APBB2: variants seen among roughly 807,000 people sequenced by gnomAD.
APBB2 encodes the protein Fe65-like 1.
APBB2 carries 38 observed loss-of-function variants against 82.5 expected under a neutral mutation model. The ratio of observed to expected loss-of-function variants is 0.46; its 90% CI spans 0.36 to 0.60. The LOEUF is 0.60. APBB2 is among the 20% of genes least tolerant of loss of function. The probability of loss-of-function intolerance (pLI) is 0.00; values close to 1 mark genes in which losing one functional copy is unlikely to be tolerated. For missense variants in APBB2, 772 were observed against 972.3 expected (o/e 0.79, Z 2.74); for synonymous variants, 341 against 368.2 (o/e 0.93, Z 0.85).
At position 41,147,481 on chromosome 4, in the gene APBB2, CTT is replaced by C. The variant is rs558746840; in HGVS notation, c.-416-4341_-416-4340del. ...TTGAGGATCTTCAATGTTTGGCCAG[CTT>C]TTTTTTTTTTTTTTTTTTTTTTTAA... On this transcript the variant is annotated intron_variant, in intron 1 of 17. Transcript: ENST00000508593. 1.9e-3 allele frequency among the ~76,000 whole-genome samples: 199 copies of C among 103,080 alleles called. 1 individual carries two copies. Among genetic ancestry groups the C allele is most frequent in the African/African-American group, 6.8e-3 (173 of 25,624 alleles). 67.6% of individuals were successfully genotyped at this position (103,080 alleles called of 152,430 possible). A position where few individuals can be genotyped will look rare whatever the true frequency, so the allele number is the denominator to read the frequency against.
chr4:41,105,442 CA>C (rs1437652710), intron 2 of APBB2, among the ~76,000 whole-genome samples: 4 of 152,108 alleles, frequency 2.6e-5, no homozygotes, highest in Admixed American at 2.0e-4. Flanking sequence ...GAGCTCCAGA[CA>C]AATCAGTCAA....
intron 10 of APBB2, among the ~76,000 whole-genome samples, chr4:40,910,381 G>T (rs115851761): frequency 0.012 from 1,871 of 152,148 alleles, 39 homozygotes; most frequent in African/African-American, 0.043. Flanking sequence ...GGGACTACAG[G>T]CTACGCACTA....
rs766666523 is a variant in APBB2, at chr4:40,982,221, G to GAAAGAAAAGAAA, written c.835+31361_835+31362insTTTCTTTTCTTT. On this transcript the variant is annotated intron_variant, in intron 6 of 17. Coordinates refer to ENST00000508593, the MANE Select transcript of APBB2 (RefSeq NM_004307.2). Reference sequence around the variant, plus strand: ...AAAGAAAGAAAAGAAAGAAAAGAAAGGAAAGAAAGAAAGAAAGAAAGAAAG... The same window carrying GAAAGAAAAGAAA: ...AAAGAAAGAAAAGAAAGAAAAGAAAGAAAGAAAAGAAAGAAAGAAAGAAAGAAAGAAAGAAAG... Among the ~76,000 whole-genome samples, 17 of 12,906 alleles carry GAAAGAAAAGAAA rather than the reference G, an allele frequency of 1.3e-3. 3 individuals carry two copies. The highest frequency in any genetic ancestry group is 5.0e-3 in the African/African-American group (15 of 3,028). The allele number at this position is 12,906 out of a possible 152,430, so 8.5% of individuals were successfully genotyped here.
intron 6 of APBB2, among the ~76,000 whole-genome samples, chr4:40,964,141 A>T (rs74939960): frequency 2.0e-5 from 3 of 152,152 alleles, no homozygotes; most frequent in Non-Finnish European, 4.4e-5. Context: ...TAAAAAAAAA[A>T]TAAATTCTGC....
chr4:40,934,520 G>A lies in APBB2; in HGVS notation c.1194-4C>T, dbSNP rs1270819685. On this transcript the variant is annotated splice_polypyrimidine_tract_variant and splice_region_variant and intron_variant, in intron 9 of 17. Coordinates refer to ENST00000508593, the MANE Select transcript of APBB2 (RefSeq NM_004307.2). ...ATCATCAGGGTGTGGGGCATTTCTA[G>A]GCAGAAAAACAGAAAAGTGGACTTA... 6.2e-7 allele frequency: 1 copy of A among 1,614,074 alleles called. No homozygotes were observed. Among genetic ancestry groups the A allele is most frequent in the Admixed American group, 1.7e-5 (1 of 60,014 alleles).
intron 6 of APBB2, among the ~76,000 whole-genome samples, chr4:41,007,807 G>C (rs1244110427): frequency 1.3e-5 from 2 of 152,206 alleles, no homozygotes; most frequent in African/African-American, 4.8e-5. Flanking sequence ...CACATACCGT[G>C]TGAAGAAGTT....
intron 10 of APBB2, among the ~76,000 whole-genome samples, chr4:40,934,229 C>T (rs975152330): frequency 2.2e-4 from 33 of 152,122 alleles, no homozygotes; most frequent in African/African-American, 7.5e-4. Context: ...AAAGAGCTGA[C>T]GTAGTGAGAT....
At chr4:40,907,207 C>T (rs1776998651) in intron 10 of APBB2, among the ~76,000 whole-genome samples, 1 of 151,748 alleles carries the variant, frequency 6.6e-6, no homozygotes, top group Admixed American at 6.6e-5. Flanking sequence ...TCCCCAATTC[C>T]TATGCTTAAG....
chr4:40,875,793 C>A (rs1766735111), intron 12 of APBB2, among the ~76,000 whole-genome samples: 1 of 150,046 alleles, frequency 6.7e-6, no homozygotes, highest in South Asian at 2.1e-4. Context: ...ATGTTTGCAA[C>A]TTTCTGCTAA....
At chr4:40,851,979 T>C (rs1759612799) in intron 12 of APBB2, among the ~76,000 whole-genome samples, 1 of 152,092 alleles carries the variant, frequency 6.6e-6, no homozygotes, top group Non-Finnish European at 1.5e-5. Context: ...CTCTTTGAAT[T>C]GAAATACATA....
rs754452812 is a variant in APBB2 at position 40,816,048 on chromosome 4, T to TA, written c.*43dup. 1 of 1,596,154 alleles carries TA rather than the reference T, an allele frequency of 6.3e-7. No homozygotes were observed. The highest frequency in any genetic ancestry group is 8.6e-7 in the Non-Finnish European group (1 of 1,166,450). On this transcript the variant is annotated 3_prime_UTR_variant, in exon 18 of 18. Coordinates refer to ENST00000508593, the MANE Select transcript of APBB2 (RefSeq NM_004307.2). ...CGGAGTTCATTTTCTTTAGTGTAGC[T>TA]AGTCAATCTTCAGGTAAATAGCCGA...
At chr4:40,921,081 T>C (rs981330404) in intron 10 of APBB2, among the ~76,000 whole-genome samples, 2 of 152,130 alleles carry the variant, frequency 1.3e-5, no homozygotes, top group Non-Finnish European at 2.9e-5. Flanking sequence ...ACAAGGCTTG[T>C]GGGAGAACAG....
At chr4:41,151,950 C>T (rs1762383317) in intron 1 of APBB2, among the ~76,000 whole-genome samples, 1 of 152,050 alleles carries the variant, frequency 6.6e-6, no homozygotes, top group Admixed American at 6.5e-5. Flanking sequence ...AATAGTACTC[C>T]TAACCATTTA....
chr4:41,085,174 C>T (rs1169677196), intron 3 of APBB2, among the ~76,000 whole-genome samples: 4 of 151,390 alleles, frequency 2.6e-5, no homozygotes, highest in Non-Finnish European at 5.9e-5. Context: ...TGGTGTGAAC[C>T]CGGGAGGTGG....
At chr4:40,889,285 C>T (rs147786530) in intron 12 of APBB2, among the ~76,000 whole-genome samples, 1 of 152,340 alleles carries the variant, frequency 6.6e-6, no homozygotes, top group East Asian at 1.9e-4. Flanking sequence ...TGGCCATAAT[C>T]CTTCCTTTCT....
chr4:40,989,822 G>A (rs112935776), intron 6 of APBB2, among the ~76,000 whole-genome samples: 6 of 152,264 alleles, frequency 3.9e-5, no homozygotes, highest in African/African-American at 1.4e-4. Context: ...ATTAAATATT[G>A]CAAACCAGAC....
chr4:40,931,150 C>T (rs1321811491), intron 10 of APBB2, among the ~76,000 whole-genome samples: 1 of 152,188 alleles, frequency 6.6e-6, no homozygotes, highest in East Asian at 1.9e-4. Flanking sequence ...AGGTGAGTAA[C>T]TTATTCTACA....
chr4:40,946,791 G>A (rs1788575371), intron 6 of APBB2, among the ~76,000 whole-genome samples: 2 of 152,180 alleles, frequency 1.3e-5, no homozygotes, highest in Non-Finnish European at 2.9e-5. Context: ...AGTGCTTTCC[G>A]GCAATTCAAA....
intron 13 of APBB2, 67 bp from the exon 14 acceptor site, chr4:40,827,286 T>A: frequency 7.1e-7 from 1 of 1,408,980 alleles, no homozygotes; most frequent in Non-Finnish European, 1.0e-6. Context: ...TATTCCAGCC[T>A]GTAAAGTGTC....
Sources: gnomAD v4.1 joint callset for allele counts (sites outside exome capture counted in the v4.1 genomes callset) on GRCh38, gnomAD v4.1.1 for gene constraint, MANE v1.5 for transcripts, NCBI Gene and HGNC (gene_info 2026-07-23, HGNC 2026-07-21) for gene names.